Variants in LEMD3 observed in about 807,000 individuals in gnomAD.
LEMD3 encodes the protein LEM domain containing 3, also known as inner nuclear membrane protein Man1.
LEMD3 carries 33 observed loss-of-function variants against 95.2 expected under a neutral mutation model. The ratio of observed to expected loss-of-function variants is 0.35; its 90% CI spans 0.26 to 0.46. LEMD3 has a LOEUF of 0.46. LEMD3 is among the 20% of genes least tolerant of loss of function. The pLI is 1.00. For missense variants in LEMD3, 1,210 were observed against 1,192.8 expected, an observed-to-expected ratio of 1.01 and a Z score of -0.21; for synonymous variants, 525 against 474.6, an observed-to-expected ratio of 1.11 and a Z score of -1.38.
chr12:65,224,846 C>T (rs1870400799), intron 4 of LEMD3, among the ~76,000 whole-genome samples: 1 of 151,956 alleles, frequency 6.6e-6, no homozygotes, highest in South Asian at 2.1e-4. Flanking sequence ...TTTCTTTCTT[C>T]TCTTTCTGAA....
In LEMD3 at chr12:65,171,126, T is replaced by G. The variant is rs1868536761; in HGVS notation, c.1522+8T>G. 7 of 1,608,624 alleles carry G rather than the reference T, an allele frequency of 4.4e-6. No individual in the cohort carries two copies. Among genetic ancestry groups the G allele is most frequent in the Non-Finnish European group, 5.9e-6 (7 of 1,180,006 alleles). On this transcript the variant is annotated splice_region_variant and intron_variant, in intron 1 of 12. Transcript: ENST00000308330. The stretch of plus-strand genomic sequence containing the variant: ...AGGATGGAGAACTCAGCAGTAAGTA[T>G]TAAATCCTGTGGGTAAGGTAACAAA...
chr12:65,247,397 G>A lies in LEMD3; in HGVS notation c.*1072G>A, dbSNP rs147617140. ...CTGTTATATGTCAAGTTTAAAGCAG[G>A]GCACATTGTTGCAGCAAAATGTGTA... On this transcript the variant is annotated 3_prime_UTR_variant, in exon 13 of 13. Transcript: ENST00000308330. 2.6e-5 allele frequency: 4 copies of A among 152,538 alleles called. No individual in the cohort carries two copies. The East Asian group carries it at 7.7e-4, about 29-fold the overall frequency. The allele number at this position is 152,538 out of a possible 1,614,324, so 9.4% of individuals were successfully genotyped here.
chr12:65,232,197 C>T (rs936149586), intron 4 of LEMD3, among the ~76,000 whole-genome samples: 2 of 152,056 alleles, frequency 1.3e-5, no homozygotes, highest in African/African-American at 2.4e-5. Context: ...CATATTCTGG[C>T]ATAAATATGG....
intron 1 of LEMD3, among the ~76,000 whole-genome samples, chr12:65,206,969 G>T (rs570447972): frequency 9.2e-5 from 14 of 151,990 alleles, no homozygotes; most frequent in Non-Finnish European, 1.9e-4. Context: ...GACATAAATA[G>T]GTTTGAATCT....
intron 4 of LEMD3, among the ~76,000 whole-genome samples, chr12:65,237,903 C>A (rs1174426140): frequency 2.0e-5 from 3 of 152,128 alleles, no homozygotes; most frequent in Non-Finnish European, 4.4e-5. Context: ...ATTTGTTCAT[C>A]TATAAATAAT....
At chr12:65,215,749 C>T (rs1321091343) in intron 2 of LEMD3, among the ~76,000 whole-genome samples, 2 of 151,962 alleles carry the variant, frequency 1.3e-5, no homozygotes, top group African/African-American at 4.8e-5. Flanking sequence ...AACCTTATGC[C>T]AATTTTTAAA....
chr12:65,222,113 T>C (rs546397678), intron 4 of LEMD3, among the ~76,000 whole-genome samples: 7 of 152,302 alleles, frequency 4.6e-5, no homozygotes, highest in Admixed American at 1.3e-4. Flanking sequence ...GCCTTTAATA[T>C]GTTGAGATAA....
intron 8 of LEMD3, 109 bp downstream of exon 8, chr12:65,240,347 T>TGTAA (rs902224484): frequency 1.2e-6 from 1 of 824,532 alleles, no homozygotes; most frequent in African/African-American, 1.7e-5. Context: ...ACTTGCTTAC[T>TGTAA]GCACAGGTTT....
At chr12:65,240,069 G>A in intron 7 of LEMD3, 39 bp downstream of exon 7, 1 of 1,546,182 alleles carries the variant, frequency 6.5e-7, no homozygotes, top group Non-Finnish European at 8.9e-7. Flanking sequence ...TTCTAGAAGA[G>A]TCATTGCATG....
chr12:65,227,593 T>G (rs1358058759), intron 4 of LEMD3, among the ~76,000 whole-genome samples: 1 of 152,232 alleles, frequency 6.6e-6, no homozygotes, highest in Non-Finnish European at 1.5e-5. Context: ...AGATTACTGA[T>G]AATACAATGT....
intron 1 of LEMD3, among the ~76,000 whole-genome samples, chr12:65,203,220 T>A (rs139546754): frequency 1.9e-3 from 292 of 152,262 alleles, no homozygotes; most frequent in African/African-American, 6.4e-3. Context: ...CAATCAGGCC[T>A]TGGCAATGAT....
chr12:65,196,276 T>TAGGGAGTCTGC (rs1008029785), intron 1 of LEMD3, among the ~76,000 whole-genome samples: 13 of 152,032 alleles, frequency 8.6e-5, no homozygotes, highest in Non-Finnish European at 1.3e-4. Context: ...TTGCCTTTTG[T>TAGGGAGTCTGC]AGGGAGTCTT....
At chr12:65,177,457 A>G (rs922550225) in intron 1 of LEMD3, among the ~76,000 whole-genome samples, 1 of 152,164 alleles carries the variant, frequency 6.6e-6, no homozygotes. Context: ...GAGGAATTAG[A>G]GATGTGGAAG....
At chr12:65,225,867 A>G (rs1870433745) in intron 4 of LEMD3, among the ~76,000 whole-genome samples, 1 of 152,206 alleles carries the variant, frequency 6.6e-6, no homozygotes, top group South Asian at 2.1e-4. Flanking sequence ...GGCATGAGCC[A>G]CTGCTCCTGG....
intron 1 of LEMD3, among the ~76,000 whole-genome samples, chr12:65,188,556 C>T (rs773577147): frequency 3.3e-5 from 5 of 152,070 alleles, no homozygotes; most frequent in African/African-American, 4.8e-5. Flanking sequence ...ACTGTTTACA[C>T]GGGATTGGGT....
chr12:65,172,767 C>T (rs1017868939), intron 1 of LEMD3, among the ~76,000 whole-genome samples: 19 of 150,464 alleles, frequency 1.3e-4, no homozygotes, highest in African/African-American at 4.4e-4. Context: ...AGCTCTGTCG[C>T]TAGGCTGGAG....
At chr12:65,216,513 A>G (rs532656294) in intron 3 of LEMD3, among the ~76,000 whole-genome samples, 11 of 152,212 alleles carry the variant, frequency 7.2e-5, no homozygotes, top group African/African-American at 2.6e-4. Flanking sequence ...TAATTCTTTG[A>G]GAGCTCTAAG....
intron 1 of LEMD3, among the ~76,000 whole-genome samples, chr12:65,180,682 C>A (rs920548475): frequency 3.3e-5 from 5 of 152,068 alleles, no homozygotes; most frequent in African/African-American, 1.2e-4. Context: ...AGATTTATTG[C>A]TCTGTGCTTT....
rs147072982 is a variant in LEMD3 at position 65,240,168 on chromosome 12, G to A, written c.2056G>A (p.Glu686Lys). ...VLRSHNEACQ[E>K]NKDLQPYMPI... is the part of the protein sequence containing the mutation. Reference sequence around the variant, plus strand: ...ACGAAGTCATAATGAAGCCTGCCAGGAAAACAAAGATTTACAACCTTACAT... The same window carrying A: ...ACGAAGTCATAATGAAGCCTGCCAGAAAAACAAAGATTTACAACCTTACAT... Residue 686 changes from glutamate to lysine, a missense_variant, in exon 8 of 13, where the codon GAA (glutamate) becomes AAA (lysine). Physicochemically the swap from Glu to Lys is moderately conservative, Grantham distance 56. This residue lies in a region of LEMD3 where 461 missense variants were observed against 569.8 expected (regional missense o/e 0.81). Transcript: ENST00000308330. The A allele has an allele frequency of 1.2e-4, 195 of 1,613,726 alleles. No individual in the cohort carries two copies. In the African/African-American group the frequency reaches 2.3e-3, roughly 19 times the overall value.
Sources: gnomAD v4.1 joint callset for allele counts (sites outside exome capture counted in the v4.1 genomes callset) on GRCh38, gnomAD v4.1.1 for gene constraint, gnomAD v4.1.1 regional missense constraint, MANE v1.5 for transcripts, NCBI Gene and HGNC (gene_info 2026-07-23, HGNC 2026-07-21) for gene names.